Variants in YTHDC1 observed in about 807,000 individuals in gnomAD.
YTHDC1 encodes the protein YTH N6-methyladenosine RNA binding protein C1, also known as YTH domain-containing protein 1.
A neutral mutation model predicts 107.0 loss-of-function variants in YTHDC1; 12 were observed. The ratio of observed to expected loss-of-function variants is 0.11; its 90% CI spans 0.07 to 0.18. The LOEUF is 0.18. Among genes scored for constraint, YTHDC1 ranks in the 10% least tolerant of loss-of-function variants. The pLI, the probability that YTHDC1 is intolerant of heterozygous loss-of-function variation, is 1.00. For synonymous variants in YTHDC1, 280 were observed against 289.5 expected (o/e 0.97, Z 0.33); for missense variants, 635 against 898.8 (o/e 0.71, Z 3.75).
chr4:68,325,531 A>T (rs569462348), intron 9 of YTHDC1, among the ~76,000 whole-genome samples: 3 of 152,316 alleles, frequency 2.0e-5, no homozygotes, highest in Admixed American at 2.0e-4. Context: ...TTGAAAGTGA[A>T]TATTGCCTGC....
At position 68,350,000 on chromosome 4, in the gene YTHDC1, G is replaced by C; in HGVS notation, c.-247C>G. On this transcript the variant is annotated 5_prime_UTR_variant, in exon 1 of 17. Coordinates refer to ENST00000344157, the MANE Select transcript of YTHDC1 (RefSeq NM_001031732.4). ...CTCGTTAGGGCTCAGACTCGGGCTA[G>C]GTATGGGGGAGGGAAGGGAAACAGA... 1.7e-6 allele frequency: 1 copy of C among 589,292 alleles called. No individual in the cohort carries two copies. The highest frequency in any genetic ancestry group is 2.9e-5 in the East Asian group (1 of 34,460). The allele number at this position is 589,292 out of a possible 1,614,324, so 36.5% of individuals were successfully genotyped here.
intron 11 of YTHDC1, 85 bp from the exon 12 acceptor site, chr4:68,320,290 T>G: frequency 2.2e-6 from 2 of 922,558 alleles, no homozygotes; most frequent in Non-Finnish European, 3.3e-6. Flanking sequence ...CAGAGATAAG[T>G]ACAAAGAATA....
Position 68,327,026 on chromosome 4 carries a change from C to T in YTHDC1, c.1350-2803G>A, listed in dbSNP as rs954206268. 4.7e-5 allele frequency among the ~76,000 whole-genome samples: 7 copies of T among 150,400 alleles called. No homozygotes were observed. The South Asian group carries it at 1.3e-3, about 27-fold the overall frequency. On this transcript the variant is annotated intron_variant, in intron 9 of 16. Transcript: ENST00000344157. ...CTGAGGCGGGCGGATCACCTGAGGT[C>T]GGGAGTTCGAGACCAGCCTAACCAA... is the stretch of plus-strand genomic sequence containing the variant.
chr4:68,340,840 G>A (rs932689515), intron 1 of YTHDC1, among the ~76,000 whole-genome samples: 1 of 151,890 alleles, frequency 6.6e-6, no homozygotes, highest in African/African-American at 2.4e-5. Flanking sequence ...ATTTAATACA[G>A]AATGAAATAA....
intron 1 of YTHDC1, among the ~76,000 whole-genome samples, chr4:68,340,427 TAA>T (rs1263885793): frequency 1.3e-5 from 2 of 152,056 alleles, no homozygotes; most frequent in Non-Finnish European, 2.9e-5. Context: ...TGTTTACTTT[TAA>T]AAAATCTTAT....
intron 1 of YTHDC1, among the ~76,000 whole-genome samples, chr4:68,346,523 G>A (rs1725460775): frequency 6.6e-6 from 1 of 152,196 alleles, no homozygotes; most frequent in Admixed American, 6.5e-5. Flanking sequence ...TAATTCATAA[G>A]TTTTAAATTG....
chr4:68,344,268 T>C (rs1443757906), intron 1 of YTHDC1, among the ~76,000 whole-genome samples: 1 of 151,528 alleles, frequency 6.6e-6, no homozygotes, highest in African/African-American at 2.4e-5. Context: ...TTTATCTTTA[T>C]CTGCCAGATT....
intron 1 of YTHDC1, among the ~76,000 whole-genome samples, chr4:68,348,230 C>T (rs1725665132): frequency 6.6e-6 from 1 of 152,112 alleles, no homozygotes; most frequent in Non-Finnish European, 1.5e-5. Context: ...ATATTTTCAT[C>T]TTAGACAACG....
rs764323977 is a variant in YTHDC1, at chr4:68,337,172, TTCCTCCTCCTCCTCC to T, written c.723_737del (p.Glu245_Glu249del). On this transcript the variant is annotated inframe_deletion, in exon 4 of 17. Transcript: ENST00000344157. Reference sequence around the variant, plus strand: ...TCTCATCCTGTTCATATTCTTCTTCTTCCTCCTCCTCCTCCTCCTCTTCCTCCTCCTCCTCTTCCT... The same window carrying T: ...TCTCATCCTGTTCATATTCTTCTTCTTCCTCTTCCTCCTCCTCCTCTTCCT... The T allele has an allele frequency of 1.2e-6, 2 of 1,605,722 alleles. No homozygotes were observed. Among genetic ancestry groups the T allele is most frequent in the South Asian group, 2.2e-5 (2 of 90,610 alleles).
intron 1 of YTHDC1, among the ~76,000 whole-genome samples, chr4:68,344,657 TTAA>T (rs1725221850): frequency 6.6e-6 from 1 of 152,220 alleles, no homozygotes; most frequent in Non-Finnish European, 1.5e-5. Flanking sequence ...ATGTTTTGTA[TTAA>T]TATTATACAC....
intron 1 of YTHDC1, among the ~76,000 whole-genome samples, chr4:68,342,858 T>A (rs1724998248): frequency 6.6e-6 from 1 of 151,904 alleles, no homozygotes; most frequent in Admixed American, 6.6e-5. Flanking sequence ...AATTATCTCT[T>A]TTAGATATAA....
rs773887385 is a variant in YTHDC1 at position 68,318,593 on chromosome 4, G to A, written c.1762-12C>T. 6.2e-7 allele frequency: 1 copy of A among 1,610,028 alleles called. No homozygotes were observed. The highest frequency in any genetic ancestry group is 8.5e-7 in the Non-Finnish European group (1 of 1,177,906). On this transcript the variant is annotated splice_polypyrimidine_tract_variant and intron_variant, in intron 14 of 16. Transcript: ENST00000344157. ...TAATCATTGTAGGACTAAAATAAAAGATGATAATGTCAATATAATTAAAAA... is the reference window on the plus strand; with the variant it reads ...TAATCATTGTAGGACTAAAATAAAAAATGATAATGTCAATATAATTAAAAA...
At chr4:68,344,250 G>GC (rs916337809) in intron 1 of YTHDC1, among the ~76,000 whole-genome samples, 21 of 149,848 alleles carry the variant, frequency 1.4e-4, no homozygotes, top group African/African-American at 4.7e-4. Flanking sequence ...AACGTATTAA[G>GC]CAAGTACTTT....
chr4:68,314,639 C>CA (rs1560468081), intron 16 of YTHDC1, among the ~76,000 whole-genome samples: 1 of 152,064 alleles, frequency 6.6e-6, no homozygotes, highest in Non-Finnish European at 1.5e-5. Flanking sequence ...AGATTTAGGC[C>CA]AAAGATATTA....
chr4:68,348,645 T>C (rs1458682116), intron 1 of YTHDC1, among the ~76,000 whole-genome samples: 1 of 152,086 alleles, frequency 6.6e-6, no homozygotes, highest in Non-Finnish European at 1.5e-5. Flanking sequence ...GGCAGTTCAT[T>C]GAAGCATGAA....
intron 1 of YTHDC1, 21 bp downstream of exon 1, chr4:68,349,705 G>C: frequency 6.3e-7 from 1 of 1,595,980 alleles, no homozygotes; most frequent in South Asian, 1.1e-5. Context: ...GCCTCGGCCC[G>C]TCATCTTTCT....
chr4:68,332,754 T>G (rs764307583), intron 6 of YTHDC1, 40 bp downstream of exon 6: 1 of 1,582,324 alleles, frequency 6.3e-7, no homozygotes, highest in Non-Finnish European at 8.7e-7. Flanking sequence ...ATAATGACTA[T>G]GCAGCATGCA....
rs150806789 is a variant in YTHDC1 at position 68,337,679 on chromosome 4, A to C, written c.352T>G (p.Ser118Ala). The part of the protein sequence containing the change: ...RLDADRKIRL[S>A]SSASREPYKN... ...TAAGGTTCTCTGGAGGCACTACTTG[A>C]TAGACGAATTTTCCGATCAGCATCT... The change falls in exon 3 of 17, where the codon TCA (serine) becomes GCA (alanine). Residue 118 changes from serine to alanine, a missense_variant. Coordinates refer to ENST00000344157, the MANE Select transcript of YTHDC1 (RefSeq NM_001031732.4). 1.9e-5 allele frequency: 30 copies of C among 1,614,134 alleles called. No individual in the cohort carries two copies. Among genetic ancestry groups the C allele is most frequent in the Non-Finnish European group, 2.5e-5 (30 of 1,180,034 alleles).
In YTHDC1 at chr4:68,322,673, CTT is replaced by C. The variant is rs1722558419; in HGVS notation, c.1601+74_1601+75del. The C allele has an allele frequency of 6.7e-7, 1 of 1,503,420 alleles. No individual in the cohort carries two copies. Among genetic ancestry groups the C allele is most frequent in the Admixed American group, 1.9e-5 (1 of 53,106 alleles). 93.1% of individuals were successfully genotyped at this position (1,503,420 alleles called of 1,614,324 possible). A position where few individuals can be genotyped will look rare whatever the true frequency, so the allele number is the denominator to read the frequency against. On this transcript the variant is annotated intron_variant, in intron 11 of 16. Coordinates refer to ENST00000344157, the MANE Select transcript of YTHDC1 (RefSeq NM_001031732.4). This position sits in a 1 kb window ranked among gnomAD's most constrained non-coding sequence, Gnocchi z 4.8. ...TCTTTCTTCTTTACCGCAGGACAAACTTTTGACGAATCATATTCCTCCATCAT... is the reference window on the plus strand; with the variant it reads ...TCTTTCTTCTTTACCGCAGGACAAACTTGACGAATCATATTCCTCCATCAT...
Sources: gnomAD v4.1 joint callset for allele counts (sites outside exome capture counted in the v4.1 genomes callset) on GRCh38, gnomAD v4.1.1 for gene constraint, Gnocchi (gnomAD v3.1) non-coding constraint, MANE v1.5 for transcripts, NCBI Gene and HGNC (gene_info 2026-07-23, HGNC 2026-07-21) for gene names.